Variants in TBC1D12 observed in about 807,000 individuals in gnomAD.
TBC1D12 encodes the protein TBC1 domain family member 12, also known as TBC1 domain family, member 12.
TBC1D12 carries 56 observed loss-of-function variants against 86.7 expected under a neutral mutation model. The observed-to-expected ratio is 0.65, with a 90% CI of 0.52 to 0.81. TBC1D12 has a LOEUF of 0.81. Among genes scored for constraint, TBC1D12 ranks in the 30% least tolerant of loss-of-function variants. The pLI is 0.00. For missense variants in TBC1D12, 1,023 were observed against 1,038.8 expected, an observed-to-expected ratio of 0.98 and a Z score of 0.21; for synonymous variants, 421 against 411.7, an observed-to-expected ratio of 1.02 and a Z score of -0.27.
At chr10:94,459,695 G>C (rs371548405) in intron 2 of TBC1D12, among the ~76,000 whole-genome samples, 1 of 152,222 alleles carries the variant, frequency 6.6e-6, no homozygotes, top group Non-Finnish European at 1.5e-5. Flanking sequence ...CGGGCAGGCT[G>C]GCAGTGCTGG....
rs72814665 is a variant in TBC1D12, at chr10:94,447,620, T to C, written c.1095+5601T>C. The C allele has an allele frequency of 1.3e-3, 1,233 of 985,218 alleles. 1 individual carries two copies. The highest frequency in any genetic ancestry group is 1.5e-3 in the Non-Finnish European group (1,204 of 829,850). 61.0% of individuals were successfully genotyped at this position (985,218 alleles called of 1,614,324 possible). On this transcript the variant is annotated intron_variant, in intron 2 of 12. Transcript: ENST00000225235. ...GTATTACTTTTTGAGGATTATCACATGTGTTCTCTTGCAGATGTGAAATTC... is the reference window on the plus strand; with the variant it reads ...GTATTACTTTTTGAGGATTATCACACGTGTTCTCTTGCAGATGTGAAATTC...
At chr10:94,494,023 A>G (rs1024075075) in intron 4 of TBC1D12, among the ~76,000 whole-genome samples, 3 of 151,814 alleles carry the variant, frequency 2.0e-5, no homozygotes, top group Non-Finnish European at 2.9e-5. Context: ...TAATAATTTT[A>G]ACTTTCTATA....
chr10:94,527,107 A>G (rs1842311459), intron 11 of TBC1D12, among the ~76,000 whole-genome samples: 1 of 106,344 alleles, frequency 9.4e-6, no homozygotes, highest in African/African-American at 3.9e-5. Flanking sequence ...TGTGTGTGTG[A>G]CGGAGTCATT....
At chr10:94,486,924 T>C (rs903057532) in intron 3 of TBC1D12, among the ~76,000 whole-genome samples, 1 of 152,216 alleles carries the variant, frequency 6.6e-6, no homozygotes, top group Non-Finnish European at 1.5e-5. Flanking sequence ...GTCTCTATTA[T>C]CGTATTGAGG....
chr10:94,494,244 A>G (rs1179462643), intron 4 of TBC1D12, among the ~76,000 whole-genome samples: 1 of 152,176 alleles, frequency 6.6e-6, no homozygotes, highest in Non-Finnish European at 1.5e-5. Flanking sequence ...TTCAGGATAA[A>G]CATACATTTT....
rs1006936917 is a variant in TBC1D12 at position 94,521,947 on chromosome 10, C to G, written c.1762-8C>G. The G allele has an allele frequency of 1.9e-6, 3 of 1,576,870 alleles. No individual in the cohort carries two copies. The highest frequency in any genetic ancestry group is 2.7e-5 in the African/African-American group (2 of 74,284). ...GTCCATTTTGACTAAATTTTTCTCC[C>G]TTTGAAGGTCCAAGGGATGTCCTTC... On this transcript the variant is annotated splice_polypyrimidine_tract_variant and splice_region_variant and intron_variant, in intron 9 of 12. Coordinates refer to ENST00000225235, the MANE Select transcript of TBC1D12 (RefSeq NM_015188.2).
chr10:94,526,773 A>G (rs748523760), intron 11 of TBC1D12, among the ~76,000 whole-genome samples: 1 of 152,138 alleles, frequency 6.6e-6, no homozygotes, highest in Non-Finnish European at 1.5e-5. Flanking sequence ...GCTGGATCAT[A>G]TGGTCGTTCT....
chr10:94,497,644 C>T (rs1304788418), intron 5 of TBC1D12, among the ~76,000 whole-genome samples: 13 of 151,046 alleles, frequency 8.6e-5, no homozygotes, highest in African/African-American at 1.7e-4. Flanking sequence ...CTCAGCCTCC[C>T]GAGTAGCTGG....
At chr10:94,449,120 C>T (rs1443880224) in intron 2 of TBC1D12, among the ~76,000 whole-genome samples, 1 of 151,854 alleles carries the variant, frequency 6.6e-6, no homozygotes, top group Non-Finnish European at 1.5e-5. Flanking sequence ...TTTGAGGGGA[C>T]GTTTTTTCAT....
intron 9 of TBC1D12, among the ~76,000 whole-genome samples, chr10:94,520,290 C>A (rs1013663084): frequency 6.6e-6 from 1 of 151,832 alleles, no homozygotes; most frequent in African/African-American, 2.4e-5. Flanking sequence ...CAGTGGCTCA[C>A]GCCTGTAATC....
intron 7 of TBC1D12, among the ~76,000 whole-genome samples, chr10:94,508,136 G>A (rs2056483643): frequency 6.6e-6 from 1 of 151,958 alleles, no homozygotes; most frequent in Admixed American, 6.6e-5. Flanking sequence ...TTTGGTCATT[G>A]TCTTTTTAAA....
chr10:94,518,968 G>A (rs950095262), intron 9 of TBC1D12, among the ~76,000 whole-genome samples: 10 of 152,248 alleles, frequency 6.6e-5, no homozygotes, highest in East Asian at 3.9e-4. Flanking sequence ...CCAGCTGTTC[G>A]GGAGGTTGAG....
intron 11 of TBC1D12, among the ~76,000 whole-genome samples, chr10:94,527,109 G>A (rs562591213): frequency 4.4e-5 from 5 of 112,584 alleles, no homozygotes; most frequent in East Asian, 3.6e-4. Flanking sequence ...TGTGTGTGAC[G>A]GAGTCATTCT....
At chr10:94,502,475 C>T (rs911195591) in intron 6 of TBC1D12, among the ~76,000 whole-genome samples, 11 of 151,968 alleles carry the variant, frequency 7.2e-5, no homozygotes, top group Admixed American at 6.6e-4. Flanking sequence ...GAGGCTGAGG[C>T]GGATAGGTCT....
At chr10:94,408,016 C>A (rs2054880228) in intron 1 of TBC1D12, among the ~76,000 whole-genome samples, 2 of 152,148 alleles carry the variant, frequency 1.3e-5, no homozygotes, top group South Asian at 4.1e-4. Flanking sequence ...AAATTCATGT[C>A]TTGTTTTCTA....
At chr10:94,425,923 T>A (rs1179609157) in intron 1 of TBC1D12, among the ~76,000 whole-genome samples, 1 of 152,150 alleles carries the variant, frequency 6.6e-6, no homozygotes, top group Non-Finnish European at 1.5e-5. Flanking sequence ...TTTAGTTTTT[T>A]GTGTTATTAT....
intron 11 of TBC1D12, among the ~76,000 whole-genome samples, chr10:94,526,293 G>A (rs1251359545): frequency 6.6e-6 from 1 of 151,982 alleles, no homozygotes; most frequent in Non-Finnish European, 1.5e-5. Context: ...TAGCTGTATG[G>A]TACATGGTGG....
chr10:94,489,635 T>A (rs1236550891), intron 3 of TBC1D12, among the ~76,000 whole-genome samples: 1 of 152,224 alleles, frequency 6.6e-6, no homozygotes, highest in African/African-American at 2.4e-5. Flanking sequence ...CTCATTAAGC[T>A]TACTCATTTA....
intron 5 of TBC1D12, among the ~76,000 whole-genome samples, chr10:94,499,585 A>G (rs1435875212): frequency 6.6e-6 from 1 of 152,154 alleles, no homozygotes; most frequent in Non-Finnish European, 1.5e-5. Flanking sequence ...TGCCTACTGT[A>G]GTTTGTACAT....
Sources: gnomAD v4.1 joint callset for allele counts (sites outside exome capture counted in the v4.1 genomes callset) on GRCh38, gnomAD v4.1.1 for gene constraint, MANE v1.5 for transcripts, NCBI Gene and HGNC (gene_info 2026-07-23, HGNC 2026-07-21) for gene names.